FEZ2: variants seen among roughly 807,000 people sequenced by gnomAD.
FEZ2 encodes fasciculation and elongation protein zeta-2.
Under a neutral mutation model 40.4 loss-of-function variants are expected in FEZ2, and 51 were observed. The observed-to-expected ratio is 1.26, with a 90% CI of 1.01 to 1.59. The LOEUF is 1.59. FEZ2 is among the 40% of genes most tolerant of loss of function. The pLI, the probability that FEZ2 is intolerant of heterozygous loss-of-function variation, is 0.00. For missense variants in FEZ2, 640 were observed against 438.3 expected, an observed-to-expected ratio of 1.46 and a Z score of -4.11; for synonymous variants, 242 against 172.0, an observed-to-expected ratio of 1.41 and a Z score of -3.18.
chr2:36,579,284 A>G (rs1185236197), intron 4 of FEZ2, among the ~76,000 whole-genome samples: 2 of 152,254 alleles, frequency 1.3e-5, no homozygotes, highest in Non-Finnish European at 2.9e-5. Context: ...ATCTCTGAAC[A>G]GGAAAGGAGT....
At chr2:36,581,486 T>G in intron 3 of FEZ2, 55 bp from the exon 4 acceptor site, 1 of 1,547,978 alleles carries the variant, frequency 6.5e-7, no homozygotes, top group South Asian at 1.1e-5. Flanking sequence ...AAATGATCTA[T>G]CTGGAACACA....
At chr2:36,558,253 A>C (rs1484319053) in intron 6 of FEZ2, 185 bp downstream of exon 6, 4 of 410,140 alleles carry the variant, frequency 9.8e-6, no homozygotes, top group Non-Finnish European at 1.8e-5. Context: ...AATCAACACT[A>C]GAGTTACTGT....
intron 2 of FEZ2, among the ~76,000 whole-genome samples, chr2:36,587,412 G>A (rs145076403): frequency 1.0e-3 from 154 of 152,238 alleles, no homozygotes; most frequent in African/African-American, 3.7e-3. Flanking sequence ...TCCTTCCAAT[G>A]CCAGGGTTAG....
Position 36,552,734 on chromosome 2 carries a change from T to G in FEZ2, c.*429A>C. 5.2e-6 allele frequency: 1 copy of G among 191,754 alleles called. No homozygotes were observed. The highest frequency in any genetic ancestry group is 1.1e-5 in the Non-Finnish European group (1 of 92,738). 11.9% of individuals were successfully genotyped at this position (191,754 alleles called of 1,614,324 possible). On this transcript the variant is annotated 3_prime_UTR_variant, in exon 8 of 8. Transcript: ENST00000405912. ...CAATACTGGTAGGTAATAGTTACAC[T>G]GACAATTCTCACAAAAAAACAGTGT...
intron 1 of FEZ2, among the ~76,000 whole-genome samples, chr2:36,592,480 A>C (rs1669099022): frequency 6.6e-6 from 1 of 152,186 alleles, no homozygotes; most frequent in Non-Finnish European, 1.5e-5. Context: ...AACGGCTAAA[A>C]GCATAACATC....
At chr2:36,590,715 G>C (rs1283662218) in intron 2 of FEZ2, 188 bp downstream of exon 2, 1 of 526,508 alleles carries the variant, frequency 1.9e-6, no homozygotes, top group African/African-American at 2.0e-5. Flanking sequence ...TGCTGGAGAA[G>C]AACTGGAGGA....
rs190083335 is a variant in FEZ2, at chr2:36,573,848, T to C, written c.903+4749A>G. ...AGTGTATATTCAAAAGCTCTTAATA[T>C]CTCCTGTTGGCGGGAGGTGTGGGAA... is the stretch of plus-strand genomic sequence containing the variant. On this transcript the variant is annotated intron_variant, in intron 5 of 7. Coordinates refer to ENST00000405912, the MANE Select transcript of FEZ2 (RefSeq NM_005102.3). Among the ~76,000 whole-genome samples the C allele has an allele frequency of 2.2e-4, 33 of 152,346 alleles. No individual in the cohort carries two copies. In the East Asian group the frequency reaches 6.0e-3, roughly 28 times the overall value.
chr2:36,566,689 T>G (rs1245396009), intron 5 of FEZ2, among the ~76,000 whole-genome samples: 1 of 152,138 alleles, frequency 6.6e-6, no homozygotes, highest in East Asian at 1.9e-4. Flanking sequence ...AATCAAGAAA[T>G]TTTTAAACGG....
In FEZ2 at chr2:36,552,929, G is replaced by C; in HGVS notation, c.*234C>G. 1.9e-6 allele frequency: 1 copy of C among 516,044 alleles called. No homozygotes were observed. The highest frequency in any genetic ancestry group is 3.6e-5 in the Admixed American group (1 of 28,138). 32.0% of individuals were successfully genotyped at this position (516,044 alleles called of 1,614,324 possible). On this transcript the variant is annotated 3_prime_UTR_variant, in exon 8 of 8. Coordinates refer to ENST00000405912, the MANE Select transcript of FEZ2 (RefSeq NM_005102.3). ...ATTACTCTCTCTTAATCTACTAAGA[G>C]AACAGTTTATTAGTAGATTTAACAA...
rs75510302 is a variant in FEZ2 at position 36,560,608 on chromosome 2, C to G, written c.904-2095G>C. Among the ~76,000 whole-genome samples, 914 of 152,268 alleles carry G rather than the reference C, an allele frequency of 6.0e-3. 6 individuals carry two copies. The highest frequency in any genetic ancestry group is 0.016 in the African/African-American group (663 of 41,556). ...TCGAATTTGAAAAATGCTTTTTCCTCAAAGGGAAATTCTGTTCATTATCAA... is the reference window on the plus strand; with the variant it reads ...TCGAATTTGAAAAATGCTTTTTCCTGAAAGGGAAATTCTGTTCATTATCAA... On this transcript the variant is annotated intron_variant, in intron 5 of 7. Transcript: ENST00000405912.
At chr2:36,584,783 CT>C (rs1331454666) in intron 2 of FEZ2, among the ~76,000 whole-genome samples, 1 of 152,196 alleles carries the variant, frequency 6.6e-6, no homozygotes, top group African/African-American at 2.4e-5. Context: ...TTCCCTAGTT[CT>C]TCATAACATG....
chr2:36,597,433 T>C (rs150266190), intron 1 of FEZ2, among the ~76,000 whole-genome samples: 20 of 152,374 alleles, frequency 1.3e-4, no homozygotes, highest in African/African-American at 4.8e-4. Flanking sequence ...TCCTACGTTG[T>C]GTCCTAAGTG....
chr2:36,587,400 A>T (rs1010935986), intron 2 of FEZ2, among the ~76,000 whole-genome samples: 2 of 151,826 alleles, frequency 1.3e-5, no homozygotes, highest in Non-Finnish European at 2.9e-5. Context: ...CATTCCCATC[A>T]CTCCTTCCAA....
intron 7 of FEZ2, 83 bp downstream of exon 7, chr2:36,555,600 T>C (rs1425838139): frequency 3.1e-6 from 2 of 646,866 alleles, no homozygotes; most frequent in Admixed American, 3.0e-5. Context: ...GGGAAGTTAC[T>C]GTCTAATGTA....
chr2:36,579,271 GAT>G (rs1668667019), intron 4 of FEZ2, among the ~76,000 whole-genome samples: 1 of 152,240 alleles, frequency 6.6e-6, no homozygotes, highest in African/African-American at 2.4e-5. Context: ...AGGGTTCTGG[GAT>G]ATCTCTGAAC....
At chr2:36,561,754 C>G (rs551798190) in intron 5 of FEZ2, among the ~76,000 whole-genome samples, 2 of 152,278 alleles carry the variant, frequency 1.3e-5, no homozygotes, top group East Asian at 3.9e-4. Context: ...GCCTGACTCA[C>G]TTGATGGTTC....
At chr2:36,579,033 C>G in intron 4 of FEZ2, 168 bp from the exon 5 acceptor site, 1 of 610,834 alleles carries the variant, frequency 1.6e-6, no homozygotes, top group Admixed American at 3.2e-5. Context: ...TCTCAGAATT[C>G]TACAACTTCT....
intron 1 of FEZ2, among the ~76,000 whole-genome samples, chr2:36,592,180 G>GT (rs1242300312): frequency 3.9e-5 from 6 of 152,136 alleles, no homozygotes; most frequent in Non-Finnish European, 7.4e-5. Context: ...TGTTTATTAG[G>GT]TATCTAATTG....
At chr2:36,595,854 G>A (rs908009192) in intron 1 of FEZ2, among the ~76,000 whole-genome samples, 1 of 152,140 alleles carries the variant, frequency 6.6e-6, no homozygotes, top group Non-Finnish European at 1.5e-5. Flanking sequence ...CCATTAACAA[G>A]AGCGACAAAA....
Sources: allele counts gnomAD v4.1 joint callset (sites outside exome capture counted in the v4.1 genomes callset), GRCh38; gene constraint gnomAD v4.1.1; transcripts MANE v1.5; gene names NCBI Gene and HGNC (gene_info 2026-07-23, HGNC 2026-07-21).